The following SNAP25 variants were observed in gnomAD, a reference collection of about 807,000 sequenced individuals.
SNAP25 encodes synaptosome associated protein 25.
A neutral mutation model predicts 28.7 loss-of-function variants in SNAP25; 3 were observed. That is an observed-to-expected ratio of 0.10 (90% CI 0.05 to 0.27). SNAP25 has a LOEUF of 0.27. Ranked by LOEUF, SNAP25 falls within the 10% of genes least tolerant of loss-of-function variation. SNAP25 has a pLI of 1.00. For missense variants in SNAP25, 117 were observed against 278.7 expected, an observed-to-expected ratio of 0.42 and a Z score of 4.13; for synonymous variants, 61 against 88.1, an observed-to-expected ratio of 0.69 and a Z score of 1.72.
intron 1 of SNAP25, among the ~76,000 whole-genome samples, chr20:10,231,133 C>A (rs190450125): frequency 1.8e-3 from 267 of 151,446 alleles, no homozygotes; most frequent in African/African-American, 6.1e-3. Context: ...TGTGTCACCC[C>A]CCACACTTCC....
Position 10,277,708 on chromosome 20 carries a change from G to A in SNAP25, c.96G>A (p.Met32Ile). The stretch of plus-strand genomic sequence containing the variant: ...AGTCGCTGGAAAGCACCCGTCGTAT[G>A]CTGCAACTGGTTGAAGAGGTAAGAA... ...ADESLESTRRMLQLVEESKDA... is the reference protein window; with the variant it reads ...ADESLESTRRILQLVEESKDA... Residue 32 changes from methionine to isoleucine, a missense_variant, in exon 3 of 8, where the codon ATG (methionine) becomes ATA (isoleucine). Coordinates refer to ENST00000254976, the MANE Select transcript of SNAP25 (RefSeq NM_130811.4). 1 of 1,613,720 alleles carries A rather than the reference G, an allele frequency of 6.2e-7. No homozygotes were observed. The highest frequency in any genetic ancestry group is 8.5e-7 in the Non-Finnish European group (1 of 1,179,930).
chr20:10,277,942 T>C (rs1323111046), intron 3 of SNAP25: 1 of 485,220 alleles, frequency 2.1e-6, no homozygotes, highest in African/African-American at 2.0e-5. Context: ...GCCACCTCTG[T>C]AGTCTGGTCT....
intron 1 of SNAP25, among the ~76,000 whole-genome samples, chr20:10,248,830 C>T (rs768807710): frequency 1.3e-5 from 2 of 152,206 alleles, no homozygotes; most frequent in Non-Finnish European, 2.9e-5. Context: ...TGCTGAGCAT[C>T]ATTTCCAGAT....
intron 1 of SNAP25, among the ~76,000 whole-genome samples, chr20:10,238,959 T>G (rs1333496893): frequency 6.7e-6 from 1 of 149,362 alleles, no homozygotes; most frequent in East Asian, 1.9e-4. Context: ...TGGCACCATC[T>G]CTGGTGGGGA....
At chr20:10,260,542 T>C (rs2063392478) in intron 1 of SNAP25, among the ~76,000 whole-genome samples, 1 of 152,196 alleles carries the variant, frequency 6.6e-6, no homozygotes, top group Non-Finnish European at 1.5e-5. Context: ...TGCAAATTGC[T>C]AGGCCCTACC....
At chr20:10,236,124 A>G (rs765228380) in intron 1 of SNAP25, among the ~76,000 whole-genome samples, 7 of 152,226 alleles carry the variant, frequency 4.6e-5, no homozygotes, top group Non-Finnish European at 1.0e-4. Context: ...CTGCCCATCC[A>G]TCCTGTGGCT....
At chr20:10,224,989 G>A (rs1004069585) in intron 1 of SNAP25, among the ~76,000 whole-genome samples, 32 of 151,998 alleles carry the variant, frequency 2.1e-4, no homozygotes, top group African/African-American at 7.5e-4. Flanking sequence ...TCTGTGAGCT[G>A]TAAAGTACTT....
Position 10,306,203 on chromosome 20 carries a change from C to T in SNAP25, c.*6C>T, listed in dbSNP as rs780028977. 1.9e-5 allele frequency: 30 copies of T among 1,613,144 alleles called. No individual in the cohort carries two copies. The South Asian group carries it at 3.2e-4, about 17-fold the overall frequency. ...AGATGCTGGGAAGTGGTTAAGTGTGCCCACCCGTGTTCTCCTCCAAATGCT... is the reference window on the plus strand; with the variant it reads ...AGATGCTGGGAAGTGGTTAAGTGTGTCCACCCGTGTTCTCCTCCAAATGCT... On this transcript the variant is annotated 3_prime_UTR_variant, in exon 8 of 8. Coordinates refer to ENST00000254976, the MANE Select transcript of SNAP25 (RefSeq NM_130811.4).
intron 1 of SNAP25, among the ~76,000 whole-genome samples, chr20:10,253,639 C>T (rs189168509): frequency 6.6e-6 from 1 of 152,096 alleles, no homozygotes; most frequent in Non-Finnish European, 1.5e-5. Flanking sequence ...ATTCAGCAAG[C>T]CTGAGGAGTG....
At chr20:10,258,998 G>A (rs981374528) in intron 1 of SNAP25, among the ~76,000 whole-genome samples, 1 of 152,208 alleles carries the variant, frequency 6.6e-6, no homozygotes, top group Non-Finnish European at 1.5e-5. Flanking sequence ...TTTCCGGAGA[G>A]TTTAACTGCT....
chr20:10,298,931 C>T (rs561995067), intron 6 of SNAP25, among the ~76,000 whole-genome samples: 6 of 151,924 alleles, frequency 3.9e-5, no homozygotes, highest in African/African-American at 1.4e-4. Context: ...CGTGCTCTGA[C>T]CTAAAGTCCT....
At chr20:10,285,885 T>A (rs1474531915) in intron 4 of SNAP25, among the ~76,000 whole-genome samples, 1 of 152,186 alleles carries the variant, frequency 6.6e-6, no homozygotes, top group Non-Finnish European at 1.5e-5. Flanking sequence ...GCATAAATTT[T>A]AAAAAATGAT....
At chr20:10,258,030 A>G (rs950081607) in intron 1 of SNAP25, among the ~76,000 whole-genome samples, 2 of 152,198 alleles carry the variant, frequency 1.3e-5, no homozygotes, top group African/African-American at 4.8e-5. Context: ...CACATCTTTC[A>G]TTTGACATAC....
At chr20:10,287,517 T>G (rs1212992257) in intron 4 of SNAP25, among the ~76,000 whole-genome samples, 30 of 144,684 alleles carry the variant, frequency 2.1e-4, no homozygotes, top group Admixed American at 6.9e-4. Context: ...CAACAGGTGC[T>G]GGAGAGGATG....
intron 1 of SNAP25, among the ~76,000 whole-genome samples, chr20:10,248,111 G>A (rs1175253191): frequency 6.6e-6 from 1 of 152,186 alleles, no homozygotes; most frequent in Non-Finnish European, 1.5e-5. Flanking sequence ...TTGAGCCCAT[G>A]CTTATGAGAT....
chr20:10,268,681 C>T (rs1457908749), intron 1 of SNAP25, among the ~76,000 whole-genome samples: 1 of 152,198 alleles, frequency 6.6e-6, no homozygotes, highest in African/African-American at 2.4e-5. Context: ...ACTAAGTAAG[C>T]CCCTTGACAG....
At chr20:10,284,498 C>T (rs989570610) in intron 3 of SNAP25, among the ~76,000 whole-genome samples, 2 of 152,154 alleles carry the variant, frequency 1.3e-5, no homozygotes, top group African/African-American at 4.8e-5. Flanking sequence ...GACAGTGCTC[C>T]ATTTCCTCAT....
At chr20:10,299,108 T>A (rs2064177250) in intron 6 of SNAP25, among the ~76,000 whole-genome samples, 160 bp from the exon 7 acceptor site, 2 of 151,002 alleles carry the variant, frequency 1.3e-5, no homozygotes, top group Non-Finnish European at 3.0e-5. Flanking sequence ...ACATTTTTTT[T>A]AAATGTATGA....
At chr20:10,289,713 A>G (rs2063958800) in intron 4 of SNAP25, among the ~76,000 whole-genome samples, 1 of 148,898 alleles carries the variant, frequency 6.7e-6, no homozygotes, top group Admixed American at 6.8e-5. Context: ...TGAAGGCTGC[A>G]TACTAGATTA....
Sources: gnomAD v4.1 joint callset for allele counts (sites outside exome capture counted in the v4.1 genomes callset) on GRCh38, gnomAD v4.1.1 for gene constraint, MANE v1.5 for transcripts, NCBI Gene and HGNC (gene_info 2026-07-23, HGNC 2026-07-21) for gene names.